The following LAMA5 variants were observed in gnomAD, a reference collection of about 807,000 sequenced individuals.
LAMA5 encodes laminin subunit alpha-5.
Under a neutral mutation model 433.4 loss-of-function variants are expected in LAMA5, and 260 were observed. The observed-to-expected ratio is 0.60, with a 90% CI of 0.54 to 0.66. The LOEUF (loss-of-function observed/expected upper bound fraction) is 0.66. Among genes scored for constraint, LAMA5 ranks in the 30% least tolerant of loss-of-function variants. The probability of loss-of-function intolerance (pLI) is 0.00; values close to 1 mark genes in which losing one functional copy is unlikely to be tolerated. For synonymous variants in LAMA5, 2,620 were observed against 2,226.6 expected, an observed-to-expected ratio of 1.18 and a Z score of -4.97; for missense variants, 5,378 against 5,258.5, an observed-to-expected ratio of 1.02 and a Z score of -0.70.
chr20:62,312,624 G>C lies in LAMA5; in HGVS notation c.9227+8C>G. 1 of 1,604,422 alleles carries C rather than the reference G, an allele frequency of 6.2e-7. No homozygotes were observed. Among genetic ancestry groups the C allele is most frequent in the Non-Finnish European group, 8.5e-7 (1 of 1,177,040 alleles). Reference sequence around the variant, plus strand: ...GGCCTCGGAGCCCCAGCTGCGCACAGTGCTTACCTCGGGGGCAGCTGGTCG... The same window carrying C: ...GGCCTCGGAGCCCCAGCTGCGCACACTGCTTACCTCGGGGGCAGCTGGTCG... On this transcript the variant is annotated splice_region_variant and intron_variant, in intron 67 of 79. Coordinates refer to ENST00000252999, the MANE Select transcript of LAMA5 (RefSeq NM_005560.6).
rs1568938285 is a variant in LAMA5, at chr20:62,331,191, C to CGGTACGATGGGGGGGTGCAGGT, written c.3553-63_3553-62insACCTGCACCCCCCCATCGTACC. ...GTGCGGGGAGGATAGGGGGTGCAGG[C>CGGTACGATGGGGGGGTGCAGGT]GGTACGATGGGGGGGTGCAGGCGGT... On this transcript the variant is annotated intron_variant, in intron 28 of 79. Transcript: ENST00000252999. 1.7e-4 allele frequency: 110 copies of CGGTACGATGGGGGGGTGCAGGT among 661,122 alleles called. 45 individuals are homozygous for CGGTACGATGGGGGGGTGCAGGT. The highest frequency in any genetic ancestry group is 1.5e-3 in the East Asian group (21 of 13,580). The allele number at this position is 661,122 out of a possible 1,614,324, so 41.0% of individuals were successfully genotyped here.
In LAMA5 at chr20:62,337,650, C is replaced by G. The variant is rs760468601; in HGVS notation, c.2104G>C (p.Val702Leu). 5.0e-6 allele frequency: 8 copies of G among 1,612,342 alleles called. No individual in the cohort carries two copies. The highest frequency in any genetic ancestry group is 6.8e-6 in the Non-Finnish European group (8 of 1,179,768). ...RSGQCSCRPR[V>L]TGLRCDTCVP... ...CATGTGTCACACCGCAGCCCCGTCA[C>G]ACGGGGCCGGCAGCTGCACTGCCCA... Residue 702 changes from valine (V) to leucine (L), a missense_variant, in exon 16 of 80, where the codon GTG becomes CTG. By Grantham distance (32) the Val-to-Leu change is conservative (BLOSUM62 1). Transcript: ENST00000252999.
Position 62,335,203 on chromosome 20 carries a change from G to A in LAMA5, c.2376+14C>T, listed in dbSNP as rs1981345794. On this transcript the variant is annotated intron_variant, in intron 19 of 79. Transcript: ENST00000252999. ...GTGCCCCCAAATCCCCCACACCTTG[G>A]TCCTCAGACTCACCGGCTGGCACTC... The A allele has an allele frequency of 6.2e-7, 1 of 1,612,752 alleles. No individual in the cohort carries two copies. Among genetic ancestry groups the A allele is most frequent in the Non-Finnish European group, 8.5e-7 (1 of 1,179,532 alleles).
rs903722262 is a variant in LAMA5, at chr20:62,312,659, C to T, written c.9200G>A (p.Gly3067Asp). 1 of 1,606,976 alleles carries T rather than the reference C, an allele frequency of 6.2e-7. No homozygotes were observed. Among genetic ancestry groups the T allele is most frequent in the Non-Finnish European group, 8.5e-7 (1 of 1,177,642 alleles). The stretch of plus-strand genomic sequence containing the variant: ...CGGGGGCAGCTGGTCGGGCGGCACG[C>T]CCCCCAGGTAGTAGGCGTCGGCCAG... ...LELADAYYLG[G>D]VPPDQLPPSL... is the part of the protein sequence containing the mutation. Residue 3067 changes from glycine (G) to aspartate (D), a missense_variant, in exon 67 of 80, where the codon GGC becomes GAC. Coordinates refer to ENST00000252999, the MANE Select transcript of LAMA5 (RefSeq NM_005560.6).
chr20:62,312,971 C>A lies in LAMA5; in HGVS notation c.8995G>T (p.Val2999Leu). 6.3e-7 allele frequency: 1 copy of A among 1,581,972 alleles called. No homozygotes were observed. Among genetic ancestry groups the A allele is most frequent in the Non-Finnish European group, 8.6e-7 (1 of 1,161,898 alleles). Residue 2999 changes from valine (V) to leucine (L), a missense_variant, in exon 66 of 80, where the codon GTG becomes TTG. By Grantham distance (32) the Val-to-Leu change is conservative. Transcript: ENST00000252999. ...LCLAVQEGSLVLLYDFGAGLK... is the reference protein window; with the variant it reads ...LCLAVQEGSLLLLYDFGAGLK... The stretch of plus-strand genomic sequence containing the variant: ...CCAGCCCCAAAGTCATACAACAGCA[C>A]GAGGCTGCCTTCTTGCACGGCCAAG...
rs372285124 is a variant in LAMA5 at position 62,323,534 on chromosome 20, G to A, written c.5986C>T (p.Arg1996Cys). The A allele has an allele frequency of 2.0e-5, 31 of 1,583,894 alleles. No individual in the cohort carries two copies. Among genetic ancestry groups the A allele is most frequent in the South Asian group, 9.2e-5 (8 of 87,062 alleles). Residue 1996 changes from arginine (R) to cysteine (C), a missense_variant, in exon 45 of 80, where the codon CGC becomes TGC. Transcript: ENST00000252999. ...TCGCAGCGGGGCCCAGTGGTGTGGC[G>A]CAGGCAGCCACGGCAGGCGCCCGTC... is the stretch of plus-strand genomic sequence containing the variant. ...PLTGACRGCLRHTTGPRCEIC... is the reference protein window; with the variant it reads ...PLTGACRGCLCHTTGPRCEIC...
rs746003349 is a variant in LAMA5 at position 62,324,602 on chromosome 20, G to C, written c.5530-48C>G. On this transcript the variant is annotated intron_variant, in intron 41 of 79. Coordinates refer to ENST00000252999, the MANE Select transcript of LAMA5 (RefSeq NM_005560.6). The surrounding 1 kb of genome is among the most constrained non-coding windows in gnomAD (Gnocchi z 4.4). ...GGCATCAGCGATTGAGAGGACGAGG[G>C]GCCCCACCCTGCAAGCTCACAAGTC... 4.8e-5 allele frequency: 66 copies of C among 1,384,944 alleles called. No homozygotes were observed. Among genetic ancestry groups the C allele is most frequent in the Non-Finnish European group, 6.5e-5 (64 of 988,084 alleles). 85.8% of individuals were successfully genotyped at this position (1,384,944 alleles called of 1,614,324 possible). A position where few individuals can be genotyped will look rare whatever the true frequency, so the allele number is the denominator to read the frequency against.
At chr20:62,361,554 G>A (rs190443341) in intron 2 of LAMA5, among the ~76,000 whole-genome samples, 30 of 152,344 alleles carry the variant, frequency 2.0e-4, no homozygotes, top group African/African-American at 6.5e-4. Context: ...TCAGACAGGG[G>A]TGAAGACCGA....
chr20:62,309,186 T>C lies in LAMA5; in HGVS notation c.*150A>G, dbSNP rs1985778434. 1 of 780,640 alleles carries C rather than the reference T, an allele frequency of 1.3e-6. No homozygotes were observed. Among genetic ancestry groups the C allele is most frequent in the African/African-American group, 1.8e-5 (1 of 56,528 alleles). The allele number at this position is 780,640 out of a possible 1,614,324, so 48.4% of individuals were successfully genotyped here. ...AAACATTTTGCAGTATTTTATTCTT[T>C]CGTTTAAGAAGCTATAACTTAAACC... On this transcript the variant is annotated 3_prime_UTR_variant, in exon 80 of 80. Transcript: ENST00000252999.
In LAMA5 at chr20:62,327,592, G is replaced by A; in HGVS notation, c.4875C>T (p.Cys1625=). 1 of 1,613,030 alleles carries A rather than the reference G, an allele frequency of 6.2e-7. No homozygotes were observed. The highest frequency in any genetic ancestry group is 1.1e-5 in the South Asian group (1 of 91,086). ...FSLDAANPKG[C]TRCFCFGATE... ...TGGCCCCAAAGCAGAAGCAGCGGGT[G>A]CAACCTTTGGGGTTGGCAGCATCCA... The change falls in exon 37 of 80, where the codon TGC becomes TGT. Residue 1625 remains cysteine (C), a synonymous_variant. Transcript: ENST00000252999.
At chr20:62,351,074 T>C (rs1984214491) in intron 6 of LAMA5, 1 of 153,132 alleles carries the variant, frequency 6.5e-6, no homozygotes, top group Admixed American at 6.4e-5. Context: ...TCCCGGGAGG[T>C]GGATGCTCTG....
intron 54 of LAMA5, 60 bp from the exon 55 acceptor site, chr20:62,317,559 G>A (rs558942635): frequency 1.3e-6 from 2 of 1,522,938 alleles, no homozygotes; most frequent in Non-Finnish European, 1.8e-6. Context: ...CCACGACCCT[G>A]AGGGCGGGCT....
At position 62,346,747 on chromosome 20, in the gene LAMA5, G is replaced by A. The variant is rs543283035; in HGVS notation, c.1126C>T (p.Arg376Trp). 9.4e-5 allele frequency: 151 copies of A among 1,612,962 alleles called. 1 individual carries two copies. Among genetic ancestry groups the A allele is most frequent in the South Asian group, 6.5e-4 (59 of 91,024 alleles). The change falls in exon 8 of 80, where the codon CGG becomes TGG. Residue 376 changes from arginine to tryptophan, a missense_variant. Physicochemically the swap from Arg to Trp is moderately radical, Grantham distance 101. Transcript: ENST00000252999. The part of the protein sequence containing the change: ...TDCYYDPEVD[R>W]RRASQSLDGT... ...TCCAGGCTCTGGCTGGCGCGGCGCCGGTCCACCTCAGGGTCGTAGTAACAG... is the reference window on the plus strand; with the variant it reads ...TCCAGGCTCTGGCTGGCGCGGCGCCAGTCCACCTCAGGGTCGTAGTAACAG...
intron 11 of LAMA5, among the ~76,000 whole-genome samples, chr20:62,340,358 C>A (rs1000040444): frequency 2.8e-4 from 36 of 126,582 alleles, no homozygotes; most frequent in Non-Finnish European, 1.4e-4. Flanking sequence ...GTTGCCCAGG[C>A]TGGAGTGCAG....
At chr20:62,365,015 G>A (rs548175174) in intron 1 of LAMA5, among the ~76,000 whole-genome samples, 1 of 152,388 alleles carries the variant, frequency 6.6e-6, no homozygotes, top group Non-Finnish European at 1.5e-5. Context: ...CGGCCAGGGC[G>A]GTCAGCAGAC....
In LAMA5 at chr20:62,312,907, AG is replaced by A; in HGVS notation, c.9058del (p.Leu3020Ter). 1 of 1,585,282 alleles carries A rather than the reference AG, an allele frequency of 6.3e-7. No individual in the cohort carries two copies. ...KAVPLQPPPP[L>X]TSASKAIQVF... ...CCCTACCGCCTTGCTGGCCGAGGTCAGGGGCGGTGGGGGCTGCAGTGGGACG... is the reference window on the plus strand; with the variant it reads ...CCCTACCGCCTTGCTGGCCGAGGTCAGGGCGGTGGGGGCTGCAGTGGGACG... On this transcript the variant is annotated frameshift_variant, in exon 66 of 80. Transcript: ENST00000252999. LOFTEE classifies it high-confidence loss of function.
intron 79 of LAMA5, 106 bp downstream of exon 79, chr20:62,309,610 A>AGGGGGTGGAGGGGTGG: frequency 3.0e-6 from 1 of 336,964 alleles, no homozygotes; most frequent in Non-Finnish European, 4.8e-6. Flanking sequence ...GGGTGGGAGG[A>AGGGGGTGGAGGGGTGG]GGGTGGGAGG....
rs1981123091 is a variant in LAMA5, at chr20:62,334,323, G to T, written c.2602C>A (p.Leu868Ile). 1 of 1,607,440 alleles carries T rather than the reference G, an allele frequency of 6.2e-7. No individual in the cohort carries two copies. Among genetic ancestry groups the T allele is most frequent in the African/African-American group, 1.3e-5 (1 of 74,838 alleles). The change falls in exon 22 of 80, where the codon CTC becomes ATC. Residue 868 changes from leucine (L) to isoleucine (I), a missense_variant. Leu to Ile is a conservative substitution (Grantham distance 5). Transcript: ENST00000252999. ...TCSEPARDHY[L>I]PDLHHLRLEL... is the part of the protein sequence containing the mutation. ...AGGCGCAGGTGGTGCAGGTCCGGGA[G>T]GTAGTGGTCCCTCGCAGGCCTGGCC...
At chr20:62,350,597 G>A (rs559953974) in intron 6 of LAMA5, among the ~76,000 whole-genome samples, 26 of 152,268 alleles carry the variant, frequency 1.7e-4, no homozygotes, top group South Asian at 8.3e-4. Flanking sequence ...AAATCCAAGC[G>A]CATGAAAGTT....
Sources: allele counts gnomAD v4.1 joint callset (sites outside exome capture counted in the v4.1 genomes callset), GRCh38; gene constraint gnomAD v4.1.1; non-coding constraint Gnocchi (gnomAD v3.1); transcripts MANE v1.5; gene names NCBI Gene and HGNC (gene_info 2026-07-23, HGNC 2026-07-21).